REV1: variants seen among roughly 807,000 people sequenced by gnomAD.
The protein encoded by REV1 is translesion synthesis protein REV1.
Under a neutral mutation model 137.4 loss-of-function variants are expected in REV1, and 42 were observed. The ratio of observed to expected loss-of-function variants is 0.31; its 90% CI spans 0.24 to 0.40. REV1 has a LOEUF of 0.40. REV1 is among the 10% of genes least tolerant of loss of function. The pLI, the probability that REV1 is intolerant of heterozygous loss-of-function variation, is 1.00. For missense variants in REV1, 1,282 were observed against 1,490.1 expected (o/e 0.86, Z 2.30); for synonymous variants, 524 against 519.2 (o/e 1.01, Z -0.12).
At chr2:99,463,378 G>A (rs966656462) in intron 2 of REV1, among the ~76,000 whole-genome samples, 1 of 151,748 alleles carries the variant, frequency 6.6e-6, no homozygotes, top group Non-Finnish European at 1.5e-5. Context: ...AATCAGCTGG[G>A]TGTGGTGGTG....
At position 99,472,811 on chromosome 2, in the gene REV1, T is replaced by G. The variant is rs149971957; in HGVS notation, c.-10-7826A>C. On this transcript the variant is annotated intron_variant, in intron 1 of 22. Coordinates refer to ENST00000258428, the MANE Select transcript of REV1 (RefSeq NM_016316.4). Reference sequence around the variant, plus strand: ...CTAGCACGCATGCCCTAAAAAAAGTTTGGTAACAGTCTGCTCCAATGTGCT... The same window carrying G: ...CTAGCACGCATGCCCTAAAAAAAGTGTGGTAACAGTCTGCTCCAATGTGCT... Among the ~76,000 whole-genome samples the G allele has an allele frequency of 3.3e-3, 499 of 152,336 alleles. 7 individuals carry two copies. The highest frequency in any genetic ancestry group is 1.1e-3 in the Non-Finnish European group (74 of 68,030).
chr2:99,406,453 A>T lies in REV1; in HGVS notation c.2486T>A (p.Leu829Gln). Reference protein sequence around the residue: ...IHVNQLVPTNLNPSTCPSRPS... With the variant: ...IHVNQLVPTNQNPSTCPSRPS... Reference sequence around the variant, plus strand: ...GCGACTGGGACATGTGGAAGGGTTCAGATTAGTTGGAACCAACTGATTCAC... The same window carrying T: ...GCGACTGGGACATGTGGAAGGGTTCTGATTAGTTGGAACCAACTGATTCAC... Residue 829 changes from leucine (L) to glutamine (Q), a missense_variant, in exon 16 of 23, where the codon CTG (leucine) becomes CAG (glutamine). Transcript: ENST00000258428. 1 of 1,612,852 alleles carries T rather than the reference A, an allele frequency of 6.2e-7. No homozygotes were observed. The highest frequency in any genetic ancestry group is 8.5e-7 in the Non-Finnish European group (1 of 1,179,358).
chr2:99,435,894 G>A lies in REV1; in HGVS notation c.1261C>T (p.His421Tyr). The part of the protein sequence containing the change: ...NSPRHQSCIM[H>Y]VDMDCFFVSV... ...ACAAAGAAGCAATCCATATCAACAT[G>A]CATTATACAGCTCTGATGTCTGGGA... Residue 421 changes from histidine to tyrosine, a missense_variant, in exon 7 of 23, where the codon CAT (histidine) becomes TAT (tyrosine). Transcript: ENST00000258428. The A allele has an allele frequency of 1.9e-6, 3 of 1,608,470 alleles. No individual in the cohort carries two copies. The highest frequency in any genetic ancestry group is 2.6e-6 in the Non-Finnish European group (3 of 1,175,548).
intron 1 of REV1, among the ~76,000 whole-genome samples, chr2:99,474,114 G>A (rs1685712341): frequency 6.6e-6 from 1 of 152,050 alleles, no homozygotes; most frequent in South Asian, 2.1e-4. Context: ...TCCTTTTAGT[G>A]TTCCTTTAAT....
chr2:99,413,070 A>G, intron 12 of REV1, 119 bp from the exon 13 acceptor site: 1 of 750,216 alleles, frequency 1.3e-6, no homozygotes. Context: ...TAAAGTCTTT[A>G]GGCAACATAA....
intron 14 of REV1, chr2:99,408,446 A>G (rs1207850376): frequency 1.6e-5 from 3 of 184,814 alleles, no homozygotes; most frequent in Non-Finnish European, 2.2e-5. Flanking sequence ...GCACAAATAA[A>G]TACATATTTT....
intron 6 of REV1, among the ~76,000 whole-genome samples, chr2:99,438,061 T>C (rs1680983436): frequency 6.6e-6 from 1 of 152,176 alleles, no homozygotes; most frequent in Non-Finnish European, 1.5e-5. Flanking sequence ...AGAAAAACAG[T>C]ATGCTACTGT....
intron 12 of REV1, among the ~76,000 whole-genome samples, chr2:99,414,430 A>G (rs1677582787): frequency 6.6e-6 from 1 of 152,176 alleles, no homozygotes; most frequent in Admixed American, 6.5e-5. Flanking sequence ...GGGCAAGTAA[A>G]TACCAAAGAC....
At chr2:99,452,857 T>C (rs1307536112) in intron 3 of REV1, among the ~76,000 whole-genome samples, 1 of 152,200 alleles carries the variant, frequency 6.6e-6, no homozygotes, top group Non-Finnish European at 1.5e-5. Context: ...TATAATGTAT[T>C]AAGAGGACAG....
chr2:99,465,687 C>T (rs1037048277), intron 1 of REV1, among the ~76,000 whole-genome samples: 9 of 152,100 alleles, frequency 5.9e-5, no homozygotes, highest in African/African-American at 2.2e-4. Context: ...AAGTCAAAGC[C>T]TTTTAACACA....
At chr2:99,430,066 G>T in intron 8 of REV1, 118 bp from the exon 9 acceptor site, 1 of 562,778 alleles carries the variant, frequency 1.8e-6, no homozygotes. Flanking sequence ...TCCAAATACA[G>T]TTATCTCTAT....
intron 2 of REV1, chr2:99,462,877 C>T (rs1171379435): frequency 6.7e-6 from 2 of 298,198 alleles, no homozygotes; most frequent in African/African-American, 2.2e-5. Flanking sequence ...CACCTGAGAT[C>T]AGGAGTTTGA....
intron 14 of REV1, among the ~76,000 whole-genome samples, chr2:99,408,755 G>T (rs977249962): frequency 6.6e-6 from 1 of 152,128 alleles, no homozygotes; most frequent in African/African-American, 2.4e-5. Flanking sequence ...TGGCATGAGC[G>T]GGCTGTCCCA....
At chr2:99,469,397 G>A (rs965537999) in intron 1 of REV1, among the ~76,000 whole-genome samples, 2 of 152,100 alleles carry the variant, frequency 1.3e-5, no homozygotes, top group Admixed American at 6.5e-5. Flanking sequence ...CCCAACCCTC[G>A]AAAGGTTCAC....
Position 99,410,786 on chromosome 2 carries a change from G to C in REV1, c.2254C>G (p.Arg752Gly). 2 of 1,612,492 alleles carry C rather than the reference G, an allele frequency of 1.2e-6. No individual in the cohort carries two copies. Among genetic ancestry groups the C allele is most frequent in the Non-Finnish European group, 1.7e-6 (2 of 1,179,512 alleles). The change falls in exon 14 of 23, where the codon CGT (arginine) becomes GGT (glycine). Residue 752 changes from arginine (R) to glycine (G), a missense_variant. This residue lies in a region of REV1 where 372 missense variants were observed against 482.3 expected (regional missense o/e 0.77). Coordinates refer to ENST00000258428, the MANE Select transcript of REV1 (RefSeq NM_016316.4). ...RLEATGMKGK[R>G]LTLKIMVRKP... ...CGTACCATGATTTTGAGAGTTAGAC[G>C]TTTACCCTTCATGCCAGTGGCTTCT...
intron 2 of REV1, 100 bp from the exon 3 acceptor site, chr2:99,462,722 T>G: frequency 8.5e-7 from 1 of 1,171,144 alleles, no homozygotes; most frequent in South Asian, 1.4e-5. Context: ...AAATGGACCT[T>G]ATTCTGTGCT....
At chr2:99,439,510 G>A (rs1490788127) in intron 5 of REV1, among the ~76,000 whole-genome samples, 200 bp from the exon 6 acceptor site, 2 of 150,084 alleles carry the variant, frequency 1.3e-5, no homozygotes, top group East Asian at 1.9e-4. Context: ...TTTGACAAAA[G>A]ATCATTCTTT....
At chr2:99,454,591 AC>A (rs1559377320) in intron 3 of REV1, among the ~76,000 whole-genome samples, 2 of 125,194 alleles carry the variant, frequency 1.6e-5, no homozygotes, top group Admixed American at 8.2e-5. Flanking sequence ...AAAAAAAAAA[AC>A]CCAAAAATTA....
intron 14 of REV1, 197 bp from the exon 15 acceptor site, chr2:99,408,328 GA>G: frequency 5.4e-6 from 2 of 371,578 alleles, no homozygotes; most frequent in Non-Finnish European, 9.5e-6. Flanking sequence ...AAGGGGGAAA[GA>G]AAAATTATGG....
Sources: gnomAD v4.1 joint callset for allele counts (sites outside exome capture counted in the v4.1 genomes callset) on GRCh38, gnomAD v4.1.1 for gene constraint, gnomAD v4.1.1 regional missense constraint, MANE v1.5 for transcripts, NCBI Gene and HGNC (gene_info 2026-07-23, HGNC 2026-07-21) for gene names.